ATF7IP2: variants seen among roughly 807,000 people sequenced by gnomAD.
The protein encoded by ATF7IP2 is activating transcription factor 7 interacting protein 2, also known as activating transcription factor 7-interacting protein 2.
ATF7IP2 carries 42 observed loss-of-function variants against 64.2 expected under a neutral mutation model. That is an observed-to-expected ratio of 0.65 (90% CI 0.51 to 0.85). The LOEUF is 0.85. Among genes scored for constraint, ATF7IP2 ranks in the 40% least tolerant of loss-of-function variants. The pLI is 0.00. For synonymous variants in ATF7IP2, 308 were observed against 272.8 expected (o/e 1.13, Z -1.27); for missense variants, 933 against 784.2 (o/e 1.19, Z -2.27).
chr16:10,401,420 G>A (rs62025934), intron 1 of ATF7IP2, among the ~76,000 whole-genome samples: 13,786 of 151,948 alleles, frequency 0.091, 699 homozygotes, highest in African/African-American at 0.13. Flanking sequence ...CGCCCACCTC[G>A]GCCTCCCACA....
chr16:10,418,849 T>C (rs566918654), intron 2 of ATF7IP2, among the ~76,000 whole-genome samples: 1 of 152,346 alleles, frequency 6.6e-6, no homozygotes, highest in East Asian at 1.9e-4. Flanking sequence ...GAGGTGCCAC[T>C]ATACTGCCGT....
At chr16:10,448,808 CTTGCCTGA>C (rs2048893934) in intron 8 of ATF7IP2, 1 of 152,160 alleles carries the variant, frequency 6.6e-6, no homozygotes, top group Non-Finnish European at 1.5e-5. Context: ...ATTTCTTTCT[CTTGCCTGA>C]TTGCCCTGGC....
intron 6 of ATF7IP2, among the ~76,000 whole-genome samples, chr16:10,434,913 G>T (rs1021824735): frequency 2.0e-5 from 3 of 152,156 alleles, no homozygotes; most frequent in African/African-American, 7.2e-5. Flanking sequence ...CTACAGGTGT[G>T]CACTAGCACA....
At chr16:10,429,747 T>A (rs1021508467) in intron 4 of ATF7IP2, among the ~76,000 whole-genome samples, 1 of 144,076 alleles carries the variant, frequency 6.9e-6, no homozygotes, top group Non-Finnish European at 1.5e-5. Flanking sequence ...TTATTTTATT[T>A]ATTTTATTTT....
chr16:10,388,944 G>A (rs1362283531), intron 1 of ATF7IP2, among the ~76,000 whole-genome samples: 2 of 151,980 alleles, frequency 1.3e-5, no homozygotes, highest in Non-Finnish European at 1.5e-5. Context: ...GCCGGGAGGC[G>A]GAGCTTGCAG....
chr16:10,457,632 T>C lies in ATF7IP2; in HGVS notation c.1352+103T>C, dbSNP rs905751173. ...TTTGTAATATTGATTATTCTTAACA[T>C]TCACTCTTAAAATGTCCTATAGTTT... is the stretch of plus-strand genomic sequence containing the variant. On this transcript the variant is annotated intron_variant, in intron 9 of 13. Coordinates refer to ENST00000562102, the MANE Select transcript of ATF7IP2 (RefSeq NM_001393719.1). 4 of 893,878 alleles carry C rather than the reference T, an allele frequency of 4.5e-6. No individual in the cohort carries two copies. The African/African-American group carries it at 5.3e-5, about 12-fold the overall frequency. The allele number at this position is 893,878 out of a possible 1,614,324, so 55.4% of individuals were successfully genotyped here.
At position 10,438,784 on chromosome 16, in the gene ATF7IP2, A is replaced by C. The variant is rs1596514089; in HGVS notation, c.1095+549A>C. ...ACTTAGGCAGCTTCGGCCAGGCGCG[A>C]TGGCTCATGCCTGTAATCCCAGCAC... On this transcript the variant is annotated intron_variant, in intron 7 of 13. Transcript: ENST00000562102. 2.0e-5 allele frequency among the ~76,000 whole-genome samples: 3 copies of C among 151,974 alleles called. No individual in the cohort carries two copies. The South Asian group carries it at 6.2e-4, about 32-fold the overall frequency.
intron 8 of ATF7IP2, among the ~76,000 whole-genome samples, chr16:10,442,117 T>G (rs2048646690): frequency 6.6e-6 from 1 of 152,232 alleles, no homozygotes; most frequent in African/African-American, 2.4e-5. Flanking sequence ...ACCAGGAAGT[T>G]TGTTTGTACC....
chr16:10,421,351 C>A (rs944975270), intron 3 of ATF7IP2, among the ~76,000 whole-genome samples: 1 of 152,162 alleles, frequency 6.6e-6, no homozygotes, highest in African/African-American at 2.4e-5. Flanking sequence ...GCACTTGCTT[C>A]TCAATTAGCT....
intron 2 of ATF7IP2, among the ~76,000 whole-genome samples, chr16:10,416,760 G>A (rs1045195543): frequency 1.3e-5 from 2 of 152,148 alleles, no homozygotes; most frequent in African/African-American, 4.8e-5. Context: ...TCACACCACT[G>A]CACTCCAGCC....
chr16:10,478,803 C>A (rs2050104627), intron 12 of ATF7IP2, among the ~76,000 whole-genome samples: 1 of 152,002 alleles, frequency 6.6e-6, no homozygotes, highest in African/African-American at 2.4e-5. Flanking sequence ...CAAACAAATT[C>A]ACAAGAAAAA....
intron 1 of ATF7IP2, chr16:10,387,202 G>T (rs2047219627): frequency 6.6e-6 from 1 of 152,190 alleles, no homozygotes; most frequent in African/African-American, 2.4e-5. Flanking sequence ...CCAAGATAAA[G>T]ATAAGTTATA....
At chr16:10,416,242 A>G (rs1043504675) in intron 2 of ATF7IP2, among the ~76,000 whole-genome samples, 2 of 152,252 alleles carry the variant, frequency 1.3e-5, no homozygotes, top group African/African-American at 4.8e-5. Flanking sequence ...AATGTGGTAC[A>G]TATACACAAT....
At chr16:10,443,054 G>A (rs2048682005) in intron 8 of ATF7IP2, among the ~76,000 whole-genome samples, 1 of 152,130 alleles carries the variant, frequency 6.6e-6, no homozygotes, top group Admixed American at 6.5e-5. Context: ...CCTGGTTGAT[G>A]GAATGCTAGA....
chr16:10,448,979 T>C (rs550637060), intron 8 of ATF7IP2: 3 of 152,302 alleles, frequency 2.0e-5, no homozygotes, highest in East Asian at 1.9e-4. Flanking sequence ...TTTTGAGATA[T>C]GTTCCATCAG....
chr16:10,418,976 G>A (rs555267572), intron 2 of ATF7IP2, among the ~76,000 whole-genome samples: 14 of 152,314 alleles, frequency 9.2e-5, no homozygotes, highest in Admixed American at 2.0e-4. Flanking sequence ...GGTACAATTT[G>A]TGCTAAACAT....
In ATF7IP2 at chr16:10,482,340, C is replaced by A; in HGVS notation, c.*91C>A. The A allele has an allele frequency of 1.0e-6, 1 of 990,938 alleles. No individual in the cohort carries two copies. The highest frequency in any genetic ancestry group is 1.5e-6 in the Non-Finnish European group (1 of 676,664). The allele number at this position is 990,938 out of a possible 1,614,324, so 61.4% of individuals were successfully genotyped here. On this transcript the variant is annotated 3_prime_UTR_variant, in exon 14 of 14. Transcript: ENST00000562102. The stretch of plus-strand genomic sequence containing the variant: ...ACTATTTGCCATTGTAAAAGGCCAG[C>A]TCAGATTGTGAGCCCTTTCTATTGG...
intron 1 of ATF7IP2, among the ~76,000 whole-genome samples, chr16:10,391,340 G>A (rs2047318372): frequency 6.6e-6 from 1 of 151,708 alleles, no homozygotes; most frequent in African/African-American, 2.4e-5. Context: ...AGAATCACTT[G>A]AACCCAGGAG....
chr16:10,401,204 G>A (rs1038773518), intron 1 of ATF7IP2, among the ~76,000 whole-genome samples: 14 of 151,934 alleles, frequency 9.2e-5, no homozygotes, highest in African/African-American at 3.4e-4. Flanking sequence ...TTTTGTTCTT[G>A]TTGCCCAAGC....
Sources: allele counts gnomAD v4.1 joint callset (sites outside exome capture counted in the v4.1 genomes callset), GRCh38; gene constraint gnomAD v4.1.1; transcripts MANE v1.5; gene names NCBI Gene and HGNC (gene_info 2026-07-23, HGNC 2026-07-21).